Variants in USP14 observed in about 807,000 individuals in gnomAD.
USP14 encodes the protein ubiquitin carboxyl-terminal hydrolase 14.
A neutral mutation model predicts 76.5 loss-of-function variants in USP14; 38 were observed. The observed-to-expected ratio is 0.50, with a 90% CI of 0.38 to 0.65. The LOEUF is 0.65. USP14 is among the 30% of genes least tolerant of loss of function. USP14 has a pLI of 0.00. For missense variants in USP14, 467 were observed against 586.5 expected (o/e 0.80, Z 2.10); for synonymous variants, 192 against 191.7 (o/e 1.00, Z -0.01).
At chr18:204,988 C>G (rs968043605) in intron 13 of USP14, among the ~76,000 whole-genome samples, 4 of 151,934 alleles carry the variant, frequency 2.6e-5, no homozygotes, top group African/African-American at 9.7e-5. Context: ...GATCCTCCCA[C>G]CTCACCCTCC....
chr18:204,078 G>A (rs994969041), intron 12 of USP14, among the ~76,000 whole-genome samples: 14 of 151,920 alleles, frequency 9.2e-5, no homozygotes, highest in South Asian at 2.1e-4. Flanking sequence ...TATACTTAGC[G>A]TTGTATGAGA....
At position 213,583 on chromosome 18, in the gene USP14, C is replaced by T. The variant is rs1337334151; in HGVS notation, c.*2299C>T. On this transcript the variant is annotated 3_prime_UTR_variant, in exon 16 of 16. Coordinates refer to ENST00000261601, the MANE Select transcript of USP14 (RefSeq NM_005151.4). ...GCTGTGCCACTCACACCGAGGCCAT[C>T]ATCTCAACATTAGAGTTGTGCTAGA... The T allele has an allele frequency of 1.3e-5, 2 of 152,214 alleles. No homozygotes were observed. Among genetic ancestry groups the T allele is most frequent in the Non-Finnish European group, 2.9e-5 (2 of 68,006 alleles). 9.4% of individuals were successfully genotyped at this position (152,214 alleles called of 1,614,324 possible). A position where few individuals can be genotyped will look rare whatever the true frequency, so the allele number is the denominator to read the frequency against.
At chr18:173,301 C>A (rs9947557) in intron 3 of USP14, among the ~76,000 whole-genome samples, 1 of 150,964 alleles carries the variant, frequency 6.6e-6, no homozygotes, top group Non-Finnish European at 1.5e-5. Context: ...TTAGTAGAGA[C>A]GGGGTTTCAC....
rs148509892 is a variant in USP14 at position 192,802 on chromosome 18, A to G, written c.405-40A>G. The G allele has an allele frequency of 9.9e-3, 15,883 of 1,597,392 alleles. 131 individuals carry two copies. The highest frequency in any genetic ancestry group is 0.01 in the Non-Finnish European group (11,682 of 1,167,846). On this transcript the variant is annotated intron_variant, in intron 5 of 15. Transcript: ENST00000261601. ...TTCTTCCCATTTGAGTGTTAGAATGAATTGAATTCTATTGTTTAACTCGGC... is the reference window on the plus strand; with the variant it reads ...TTCTTCCCATTTGAGTGTTAGAATGGATTGAATTCTATTGTTTAACTCGGC...
chr18:185,911 A>G (rs932739415), intron 5 of USP14, among the ~76,000 whole-genome samples: 1 of 147,150 alleles, frequency 6.8e-6, no homozygotes, highest in Non-Finnish European at 1.5e-5. Context: ...TATGTTGCTC[A>G]GGCTGGTTTC....
rs750713987 is a variant in USP14, at chr18:204,623, G to C, written c.1095G>C (p.Glu365Asp). 1.4e-5 allele frequency: 22 copies of C among 1,613,236 alleles called. No individual in the cohort carries two copies. The highest frequency in any genetic ancestry group is 1.3e-4 in the Admixed American group (8 of 59,922). The part of the protein sequence containing the change: ...MYELCTPELQ[E>D]KMVSFRSKFK... ...AACTGTGTACACCAGAACTTCAAGA[G>C]AAAATGGTGTCTTTTCGATCCAAAT... The change falls in exon 13 of 16, where the codon GAG becomes GAC. Residue 365 changes from glutamate to aspartate, a missense_variant. Physicochemically the swap from Glu to Asp is conservative, Grantham distance 45. Coordinates refer to ENST00000261601, the MANE Select transcript of USP14 (RefSeq NM_005151.4).
At chr18:165,166 G>T (rs1381974616) in intron 2 of USP14, among the ~76,000 whole-genome samples, 1 of 151,974 alleles carries the variant, frequency 6.6e-6, no homozygotes, top group Non-Finnish European at 1.5e-5. Context: ...CGCTGGTCTC[G>T]AACTCCTGAC....
intron 1 of USP14, chr18:158,967 T>C (rs1457240686): frequency 2.3e-6 from 1 of 433,968 alleles, no homozygotes; most frequent in Admixed American, 4.6e-5. Flanking sequence ...CCTCTCAAAG[T>C]CGTGACTCTG....
chr18:205,305 C>CA (rs1910499618), intron 13 of USP14, among the ~76,000 whole-genome samples: 1 of 152,164 alleles, frequency 6.6e-6, no homozygotes, highest in Non-Finnish European at 1.5e-5. Flanking sequence ...CTTATCTCCT[C>CA]AAAGTACTTC....
intron 7 of USP14, among the ~76,000 whole-genome samples, chr18:197,043 C>T (rs1192740531): frequency 6.6e-6 from 1 of 152,164 alleles, no homozygotes; most frequent in African/African-American, 2.4e-5. Context: ...GATTTTCTAC[C>T]GCAGTCCTAA....
intron 6 of USP14, among the ~76,000 whole-genome samples, chr18:196,158 TAAA>T (rs555174074): frequency 6.6e-6 from 1 of 151,238 alleles, no homozygotes. Flanking sequence ...CTGTCTCTAC[TAAA>T]AAAAATGCAA....
Position 158,702 on chromosome 18 carries a change from C to G in USP14, c.4C>G (p.Pro2Ala), listed in dbSNP as rs1338485956. 8 of 1,535,006 alleles carry G rather than the reference C, an allele frequency of 5.2e-6. No individual in the cohort carries two copies. Among genetic ancestry groups the G allele is most frequent in the Non-Finnish European group, 4.3e-6 (5 of 1,150,536 alleles). Reference protein sequence around the residue: MPLYSVTVKWGK... With the variant: MALYSVTVKWGK... Reference sequence around the variant, plus strand: ...CCGCCTCCCGCCGCGCCCCGCCATGCCGCTCTACTCCGGTGAGCCCTGTCC... The same window carrying G: ...CCGCCTCCCGCCGCGCCCCGCCATGGCGCTCTACTCCGGTGAGCCCTGTCC... The change falls in exon 1 of 16, where the codon CCG (proline) becomes GCG (alanine). Residue 2 changes from proline to alanine, a missense_variant. Coordinates refer to ENST00000261601, the MANE Select transcript of USP14 (RefSeq NM_005151.4).
rs547964673 is a variant in USP14 at position 205,855 on chromosome 18, C to T, written c.1164+1163C>T. 2.6e-5 allele frequency among the ~76,000 whole-genome samples: 4 copies of T among 152,322 alleles called. No individual in the cohort carries two copies. The East Asian group carries it at 7.7e-4, about 29-fold the overall frequency. ...AACCTTTCTCACTCAGCATAATTCTCTGGCGACTCATCCAGGGTGTTGTGC... is the reference window on the plus strand; with the variant it reads ...AACCTTTCTCACTCAGCATAATTCTTTGGCGACTCATCCAGGGTGTTGTGC... On this transcript the variant is annotated intron_variant, in intron 13 of 15. Coordinates refer to ENST00000261601, the MANE Select transcript of USP14 (RefSeq NM_005151.4).
At chr18:164,334 T>C (rs777348857) in intron 2 of USP14, among the ~76,000 whole-genome samples, 1 of 152,190 alleles carries the variant, frequency 6.6e-6, no homozygotes, top group Non-Finnish European at 1.5e-5. Flanking sequence ...ATTTTGTACA[T>C]GCATTTGTAT....
intron 3 of USP14, among the ~76,000 whole-genome samples, chr18:174,836 C>T (rs987542852): frequency 1.1e-4 from 17 of 151,970 alleles, no homozygotes; most frequent in Admixed American, 6.6e-4. Flanking sequence ...AGTGCAGTGA[C>T]GTGATCATGG....
intron 3 of USP14, among the ~76,000 whole-genome samples, chr18:173,646 C>A (rs542771920): frequency 1.3e-5 from 2 of 151,834 alleles, no homozygotes; most frequent in East Asian, 3.9e-4. Context: ...TGGTCTTGAA[C>A]TCCTGACCTC....
rs1000904993 is a variant in USP14 at position 173,817 on chromosome 18, A to C, written c.196-5116A>C. ...GTATTTAGTGAGCAACATTTGTTGA[A>C]AAGACTATTCTTTTCCATTCTTCCT... On this transcript the variant is annotated intron_variant, in intron 3 of 15. Coordinates refer to ENST00000261601, the MANE Select transcript of USP14 (RefSeq NM_005151.4). Among the ~76,000 whole-genome samples, 25 of 152,228 alleles carry C rather than the reference A, an allele frequency of 1.6e-4. 1 individual carries two copies. The highest frequency in any genetic ancestry group is 8.8e-5 in the Non-Finnish European group (6 of 68,038).
rs1268755251 is a variant in USP14, at chr18:214,268, GGGATTTCA to G, written c.*2989_*2996del. 1 of 194,790 alleles carries G rather than the reference GGGATTTCA, an allele frequency of 5.1e-6. No individual in the cohort carries two copies. The highest frequency in any genetic ancestry group is 2.4e-5 in the African/African-American group (1 of 41,932). The allele number at this position is 194,790 out of a possible 1,614,324, so 12.1% of individuals were successfully genotyped here. A position where few individuals can be genotyped will look rare whatever the true frequency, so the allele number is the denominator to read the frequency against. On this transcript the variant is annotated 3_prime_UTR_variant, in exon 16 of 16. Transcript: ENST00000261601. ...ATATGGTTTCAGAAAGTGTTATTCT[GGGATTTCA>G]GGATAAATTTTGTAAAACTACTAAC...
At chr18:190,324 A>G (rs1007197736) in intron 5 of USP14, among the ~76,000 whole-genome samples, 5 of 151,878 alleles carry the variant, frequency 3.3e-5, no homozygotes, top group Admixed American at 2.0e-4. Context: ...TGCACAAAAT[A>G]TATATGAGTG....
Sources: gnomAD v4.1 joint callset for allele counts (sites outside exome capture counted in the v4.1 genomes callset) on GRCh38, gnomAD v4.1.1 for gene constraint, MANE v1.5 for transcripts, NCBI Gene and HGNC (gene_info 2026-07-23, HGNC 2026-07-21) for gene names.